The following FAM177A1 variants were observed in gnomAD, a reference collection of about 807,000 sequenced individuals.
FAM177A1 encodes protein FAM177A1.
A neutral mutation model predicts 26.1 loss-of-function variants in FAM177A1; 22 were observed. The observed-to-expected ratio is 0.84, with a 90% CI of 0.60 to 1.20. The LOEUF is 1.20. Ranked by LOEUF, FAM177A1 falls within the 50% of genes most tolerant of loss-of-function variation. FAM177A1 has a pLI of 0.00. For synonymous variants in FAM177A1, 95 were observed against 99.3 expected, an observed-to-expected ratio of 0.96 and a Z score of 0.26; for missense variants, 296 against 291.1, an observed-to-expected ratio of 1.02 and a Z score of -0.12.
rs1413326165 is a variant in FAM177A1 at position 35,046,373 on chromosome 14, T to C, written c.-91T>C. On this transcript the variant is annotated 5_prime_UTR_variant, in exon 1 of 5. Transcript: ENST00000280987. The stretch of plus-strand genomic sequence containing the variant: ...CCGGCGAGTCCCCTTCTCAGAGACT[T>C]GGCTAGGCGCGGCGCGAGGCGGGCG... The C allele has an allele frequency of 7.4e-7, 1 of 1,354,000 alleles. No individual in the cohort carries two copies. Among genetic ancestry groups the C allele is most frequent in the Non-Finnish European group, 9.6e-7 (1 of 1,039,122 alleles). 83.9% of individuals were successfully genotyped at this position (1,354,000 alleles called of 1,614,324 possible).
intron 1 of FAM177A1, chr14:35,046,863 G>A: frequency 7.5e-7 from 1 of 1,326,210 alleles, no homozygotes; most frequent in Non-Finnish European, 9.6e-7. Flanking sequence ...GGCGGCCTCG[G>A]GTTCCTGGGG....
In FAM177A1 at chr14:35,075,813, A is replaced by C. The variant is rs143338373; in HGVS notation, c.340-1337A>C. Among the ~76,000 whole-genome samples, 1,155 of 152,352 alleles carry C rather than the reference A, an allele frequency of 7.6e-3. 16 individuals are homozygous for C. The highest frequency in any genetic ancestry group is 0.026 in the African/African-American group (1,100 of 41,572). On this transcript the variant is annotated intron_variant, in intron 2 of 4. Transcript: ENST00000280987. ...AGGATATGAACAGACACTTCAAAAGAAGACATTTATTCAGCCAACAGACAC... is the reference window on the plus strand; with the variant it reads ...AGGATATGAACAGACACTTCAAAAGCAGACATTTATTCAGCCAACAGACAC...
At chr14:35,070,667 C>A (rs146085019) in intron 2 of FAM177A1, among the ~76,000 whole-genome samples, 218 of 152,232 alleles carry the variant, frequency 1.4e-3, no homozygotes, top group African/African-American at 5.1e-3. Flanking sequence ...ATTGCTACTG[C>A]ATATTTATAG....
chr14:35,071,465 C>G (rs1234412227), intron 2 of FAM177A1, among the ~76,000 whole-genome samples: 1 of 151,848 alleles, frequency 6.6e-6, no homozygotes, highest in East Asian at 1.9e-4. Flanking sequence ...TACAAGAAGT[C>G]TTGAAGACAC....
Position 35,079,027 on chromosome 14 carries a change from A to G in FAM177A1, c.504+3A>G, listed in dbSNP as rs372726740. 8.4e-6 allele frequency: 13 copies of G among 1,552,956 alleles called. No homozygotes were observed. Among genetic ancestry groups the G allele is most frequent in the Non-Finnish European group, 1.1e-5 (13 of 1,159,774 alleles). On this transcript the variant is annotated splice_donor_region_variant and intron_variant, in intron 4 of 4. Transcript: ENST00000280987. The stretch of plus-strand genomic sequence containing the variant: ...AATATTATCGGATGAAGAAGGAGGT[A>G]TGCCTCCTTTTTACATTTTCTTGAT...
intron 2 of FAM177A1, among the ~76,000 whole-genome samples, chr14:35,075,736 C>T (rs1028662877): frequency 6.6e-6 from 1 of 152,170 alleles, no homozygotes; most frequent in Admixed American, 6.6e-5. Flanking sequence ...CTACAATGAA[C>T]TCAAACAAAT....
intron 1 of FAM177A1, 180 bp downstream of exon 1, chr14:35,046,808 C>T: frequency 7.3e-7 from 1 of 1,377,288 alleles, no homozygotes; most frequent in African/African-American, 1.5e-5. Context: ...GAGCGCCCCC[C>T]GCCTCACTCA....
intron 1 of FAM177A1, chr14:35,046,925 A>C: frequency 8.4e-7 from 1 of 1,185,494 alleles, no homozygotes. Flanking sequence ...GTGTCCCCCA[A>C]AGGCTGTCCT....
intron 2 of FAM177A1, among the ~76,000 whole-genome samples, chr14:35,058,286 G>A (rs1035309363): frequency 6.6e-6 from 1 of 151,876 alleles, no homozygotes; most frequent in African/African-American, 2.4e-5. Flanking sequence ...GGATGGTCTC[G>A]ATCTCTTGAC....
At chr14:35,049,766 C>G (rs776558095) in intron 1 of FAM177A1, among the ~76,000 whole-genome samples, 7 of 151,972 alleles carry the variant, frequency 4.6e-5, no homozygotes, top group Non-Finnish European at 1.0e-4. Context: ...GCCTGGATGA[C>G]AGAGCAAGAC....
chr14:35,063,086 G>A (rs557990601), intron 2 of FAM177A1, among the ~76,000 whole-genome samples: 2 of 146,692 alleles, frequency 1.4e-5, no homozygotes, highest in East Asian at 2.0e-4. Context: ...GCTTGAACCC[G>A]GGAGTCGGAG....
upstream of FAM177A1, chr14:35,046,263 G>A (rs2044858641): frequency 6.0e-6 from 3 of 499,272 alleles, no homozygotes; most frequent in Non-Finnish European, 6.5e-6. Flanking sequence ...GCCGGTAGTT[G>A]CGCCTCCCAG....
At position 35,082,217 on chromosome 14, in the gene FAM177A1, A is replaced by C. The variant is rs949257335; in HGVS notation, c.*989A>C. On this transcript the variant is annotated 3_prime_UTR_variant, in exon 5 of 5. Coordinates refer to ENST00000280987, the MANE Select transcript of FAM177A1 (RefSeq NM_173607.5). ...GTATATATTGTGAAGCTAATTTTGA[A>C]AATATTCCTAAATATGGCCAGGTAC... The C allele has an allele frequency of 1.3e-5, 2 of 152,120 alleles. No individual in the cohort carries two copies. Among genetic ancestry groups the C allele is most frequent in the African/African-American group, 2.4e-5 (1 of 41,408 alleles). 9.4% of individuals were successfully genotyped at this position (152,120 alleles called of 1,614,324 possible).
intron 1 of FAM177A1, among the ~76,000 whole-genome samples, chr14:35,051,404 A>T (rs906052454): frequency 5.9e-5 from 9 of 151,782 alleles, no homozygotes; most frequent in African/African-American, 2.2e-4. Context: ...GGCCTGAGCC[A>T]CAGCACCCAG....
intron 1 of FAM177A1, among the ~76,000 whole-genome samples, chr14:35,052,594 G>C (rs1008054213): frequency 2.0e-5 from 3 of 151,808 alleles, no homozygotes; most frequent in Non-Finnish European, 4.4e-5. Context: ...TATATATATA[G>C]ATATATATAG....
intron 2 of FAM177A1, among the ~76,000 whole-genome samples, chr14:35,072,339 A>T (rs558910196): frequency 6.6e-6 from 1 of 152,132 alleles, no homozygotes; most frequent in Admixed American, 6.6e-5. Flanking sequence ...TATATTTACT[A>T]TTCATTAAGT....
intron 2 of FAM177A1, among the ~76,000 whole-genome samples, chr14:35,069,638 A>C (rs1448490220): frequency 6.6e-6 from 1 of 152,192 alleles, no homozygotes; most frequent in Non-Finnish European, 1.5e-5. Flanking sequence ...CTTAATGTTA[A>C]GAGCAGACTT....
At chr14:35,071,113 C>T (rs533650327) in intron 2 of FAM177A1, among the ~76,000 whole-genome samples, 8 of 151,992 alleles carry the variant, frequency 5.3e-5, no homozygotes, top group African/African-American at 1.7e-4. Context: ...TCTTCTGCCT[C>T]AGCCTCCTGA....
intron 2 of FAM177A1, among the ~76,000 whole-genome samples, chr14:35,055,320 C>T (rs979536822): frequency 2.4e-5 from 3 of 125,024 alleles, no homozygotes; most frequent in South Asian, 2.9e-4. Flanking sequence ...AAAAAAAAAT[C>T]GGATATTCTA....
Sources: gnomAD v4.1 joint callset for allele counts (sites outside exome capture counted in the v4.1 genomes callset) on GRCh38, gnomAD v4.1.1 for gene constraint, MANE v1.5 for transcripts, NCBI Gene and HGNC (gene_info 2026-07-23, HGNC 2026-07-21) for gene names.